The following PCDHA6 variants were observed in gnomAD, a reference collection of about 807,000 sequenced individuals.
The protein encoded by PCDHA6 is protocadherin alpha-6.
Under a neutral mutation model 60.3 loss-of-function variants are expected in PCDHA6, and 55 were observed. The ratio of observed to expected loss-of-function variants is 0.91; its 90% CI spans 0.73 to 1.14. The LOEUF is 1.14. Among genes scored for constraint, PCDHA6 ranks in the 50% most tolerant of loss-of-function variants. The pLI is 0.00. For synonymous variants in PCDHA6, 652 were observed against 557.9 expected (o/e 1.17, Z -2.38); for missense variants, 1,327 against 1,256.5 (o/e 1.06, Z -0.85).
chr5:140,835,776 AAGG>A (rs1266986197), intron 1 of PCDHA6: 2 of 1,613,090 alleles, frequency 1.2e-6, no homozygotes, highest in South Asian at 1.1e-5. Flanking sequence ...GGTGTTCGTG[AAGG>A]AGAACAACCC....
chr5:140,942,588 A>T (rs1416575390), intron 1 of PCDHA6, among the ~76,000 whole-genome samples: 1 of 149,588 alleles, frequency 6.7e-6, no homozygotes, highest in South Asian at 2.1e-4. Flanking sequence ...AGGATGTCAC[A>T]TATAATTATA....
Position 140,855,115 on chromosome 5 carries a change from T to G in PCDHA6, c.2394+24630T>G, listed in dbSNP as rs1220920177. On this transcript the variant is annotated intron_variant, in intron 1 of 3. Coordinates refer to ENST00000529310, the MANE Select transcript of PCDHA6 (RefSeq NM_018909.4). ...TGTGCAGTAGCAATAATTAAGGCAT[T>G]CTATAGGTAATAATTTTGCCTGATG... 1.3e-5 allele frequency among the ~76,000 whole-genome samples: 2 copies of G among 149,816 alleles called. 1 individual carries two copies. The highest frequency in any genetic ancestry group is 3.0e-5 in the Non-Finnish European group (2 of 67,072).
intron 3 of PCDHA6, among the ~76,000 whole-genome samples, chr5:140,998,912 C>T (rs1256504660): frequency 6.6e-6 from 1 of 152,182 alleles, no homozygotes; most frequent in Admixed American, 6.6e-5. Context: ...CGGGAGGTAG[C>T]TATTATATCC....
At chr5:140,870,925 T>A (rs1554164841) in intron 1 of PCDHA6, 1 of 1,613,916 alleles carries the variant, frequency 6.2e-7, no homozygotes, top group South Asian at 1.1e-5. Flanking sequence ...GTGGCTTTCA[T>A]ATGAATTGCA....
At chr5:140,945,155 A>G (rs566867183) in intron 1 of PCDHA6, among the ~76,000 whole-genome samples, 22 of 152,284 alleles carry the variant, frequency 1.4e-4, no homozygotes, top group African/African-American at 5.3e-4. Context: ...TCTATACACT[A>G]TTGAACTATC....
chr5:140,928,949 T>C, intron 1 of PCDHA6: 1 of 1,614,066 alleles, frequency 6.2e-7, no homozygotes, highest in Non-Finnish European at 8.5e-7. Flanking sequence ...TATTTAGTAA[T>C]TGCCTTGGCT....
intron 1 of PCDHA6, among the ~76,000 whole-genome samples, chr5:140,953,382 G>A (rs1554220887): frequency 6.6e-6 from 1 of 152,142 alleles, no homozygotes; most frequent in Admixed American, 6.6e-5. Context: ...ACCCCTCTCA[G>A]TTGTGGATTA....
chr5:140,841,812 C>T (rs1777513901), intron 1 of PCDHA6: 1 of 1,613,912 alleles, frequency 6.2e-7, no homozygotes, highest in African/African-American at 1.3e-5. Context: ...GATGTTGGAG[C>T]TAACTCCGTG....
chr5:140,928,892 T>C, intron 1 of PCDHA6: 1 of 1,614,198 alleles, frequency 6.2e-7, no homozygotes, highest in Non-Finnish European at 8.5e-7. Flanking sequence ...CTTCCAGACT[T>C]TGAAGATGTC....
intron 1 of PCDHA6, among the ~76,000 whole-genome samples, chr5:140,921,386 A>C (rs2080192825): frequency 6.6e-6 from 1 of 152,156 alleles, no homozygotes; most frequent in African/African-American, 2.4e-5. Flanking sequence ...ATATTTGATA[A>C]ACATTCACAC....
At position 140,828,476 on chromosome 5, in the gene PCDHA6, A is replaced by T. The variant is rs2150155737; in HGVS notation, c.385A>T (p.Asn129Tyr). 1.4e-5 allele frequency: 22 copies of T among 1,614,168 alleles called. No homozygotes were observed. The South Asian group carries it at 2.4e-4, about 18-fold the overall frequency. Residue 129 changes from asparagine to tyrosine, a missense_variant, in exon 1 of 4, where the codon AAC (asparagine) becomes TAC (tyrosine). Physicochemically the swap from Asn to Tyr is moderately radical, Grantham distance 143. Coordinates refer to ENST00000529310, the MANE Select transcript of PCDHA6 (RefSeq NM_018909.4). ...CGTGGAGGTGAGGGACATTAACGAC[A>T]ACCCGCCCTTGTTCCCGGTAGAGGA... ...VDVEVRDINDNPPLFPVEEQR... is the reference protein window; with the variant it reads ...VDVEVRDINDYPPLFPVEEQR...
Position 140,982,562 on chromosome 5 carries a change from A to C in PCDHA6, c.2541A>C (p.Pro847=). ...QQWPTVSSAT[P]EPEAGEVSPP... ...GGCCAACAGTATCCAGTGCAACACCAGGTAAAGAGCTGGGGTCTCTCCATT... is the reference window on the plus strand; with the variant it reads ...GGCCAACAGTATCCAGTGCAACACCCGGTAAAGAGCTGGGGTCTCTCCATT... Residue 847 remains proline, a splice_region_variant and synonymous_variant, in exon 3 of 4, where the codon CCA becomes CCC. Coordinates refer to ENST00000529310, the MANE Select transcript of PCDHA6 (RefSeq NM_018909.4). 3 of 1,614,062 alleles carry C rather than the reference A, an allele frequency of 1.9e-6. No individual in the cohort carries two copies. The highest frequency in any genetic ancestry group is 2.5e-6 in the Non-Finnish European group (3 of 1,179,936).
At chr5:140,857,218 T>C (rs2044426953) in intron 1 of PCDHA6, 1 of 1,598,352 alleles carries the variant, frequency 6.3e-7, no homozygotes, top group African/African-American at 1.3e-5. Context: ...CTCTGACGCC[T>C]CACGTTCCGT....
intron 1 of PCDHA6, chr5:140,967,981 G>C: frequency 6.2e-7 from 1 of 1,614,202 alleles, no homozygotes; most frequent in Non-Finnish European, 8.5e-7. Flanking sequence ...TGGGTCTGGA[G>C]GCCACACTGC....
At position 140,829,051 on chromosome 5, in the gene PCDHA6, T is replaced by G. The variant is rs2150162199; in HGVS notation, c.960T>G (p.Ile320Met). ...FEQENLYKIL[I>M]DATDKGHPPM... is the part of the protein sequence containing the mutation. ...AAGAAAACTTATACAAAATCCTCAT[T>G]GACGCCACGGACAAAGGCCATCCTC... The change falls in exon 1 of 4, where the codon ATT becomes ATG. Residue 320 changes from isoleucine (I) to methionine (M), a missense_variant. By Grantham distance (10) the Ile-to-Met change is conservative. Transcript: ENST00000529310. The G allele has an allele frequency of 6.2e-7, 1 of 1,613,104 alleles. No homozygotes were observed. The highest frequency in any genetic ancestry group is 1.1e-5 in the South Asian group (1 of 91,058).
chr5:140,947,756 T>A (rs1354995389), intron 1 of PCDHA6, among the ~76,000 whole-genome samples: 1 of 151,644 alleles, frequency 6.6e-6, no homozygotes, highest in Non-Finnish European at 1.5e-5. Flanking sequence ...TATTTTATGG[T>A]TTAAAAAATT....
rs529968685 is a variant in PCDHA6 at position 140,857,928 on chromosome 5, C to T, written c.2394+27443C>T. ...ATCCCGTTTCGCGTGGGGCTGTACA[C>T]GGGCGAGATCAGTACGACGCGCGCT... On this transcript the variant is annotated intron_variant, in intron 1 of 3. Coordinates refer to ENST00000529310, the MANE Select transcript of PCDHA6 (RefSeq NM_018909.4). The T allele has an allele frequency of 2.5e-6, 4 of 1,597,668 alleles. No individual in the cohort carries two copies. In the South Asian group the frequency reaches 3.3e-5, roughly 13 times the overall value.
At chr5:140,943,063 C>T (rs1461337774) in intron 1 of PCDHA6, among the ~76,000 whole-genome samples, 1 of 151,748 alleles carries the variant, frequency 6.6e-6, no homozygotes, top group Admixed American at 6.6e-5. Context: ...TCAAGAACAG[C>T]CTGACCAACA....
intron 1 of PCDHA6, chr5:140,929,479 A>G (rs2086187931): frequency 4.2e-6 from 5 of 1,193,216 alleles, no homozygotes; most frequent in Admixed American, 3.2e-5. Context: ...CTGGAAGTAT[A>G]GAAGTATTAG....
Sources: gnomAD v4.1 joint callset for allele counts (sites outside exome capture counted in the v4.1 genomes callset) on GRCh38, gnomAD v4.1.1 for gene constraint, MANE v1.5 for transcripts, NCBI Gene and HGNC (gene_info 2026-07-23, HGNC 2026-07-21) for gene names.